The following CTNNA3 variants were observed in gnomAD, a reference collection of about 807,000 sequenced individuals.
CTNNA3 encodes the protein catenin alpha-3.
In CTNNA3, 76 loss-of-function variants were observed where a neutral mutation model predicts 95.7. That is an observed-to-expected ratio of 0.79 (90% CI 0.66 to 0.96). CTNNA3 has a LOEUF of 0.96. CTNNA3 is among the 40% of genes least tolerant of loss of function. The probability of loss-of-function intolerance (pLI) is 0.00; values close to 1 mark genes in which losing one functional copy is unlikely to be tolerated. For synonymous variants in CTNNA3, 431 were observed against 374.4 expected, an observed-to-expected ratio of 1.15 and a Z score of -1.74; for missense variants, 1,191 against 1,089.8, an observed-to-expected ratio of 1.09 and a Z score of -1.31.
intron 9 of CTNNA3, among the ~76,000 whole-genome samples, chr10:66,639,780 CT>C (rs1427909197): frequency 1.3e-5 from 2 of 151,924 alleles, no homozygotes; most frequent in Non-Finnish European, 2.9e-5. Context: ...ACTGTGTGTC[CT>C]TTTATGTTTA....
chr10:67,102,164 G>A (rs901954016), intron 7 of CTNNA3, among the ~76,000 whole-genome samples: 31 of 151,700 alleles, frequency 2.0e-4, no homozygotes, highest in Admixed American at 5.3e-4. Flanking sequence ...CTCCTCCCAT[G>A]ACCTTCCCAA....
At chr10:66,562,795 T>C (rs1292228515) in intron 10 of CTNNA3, among the ~76,000 whole-genome samples, 2 of 151,940 alleles carry the variant, frequency 1.3e-5, no homozygotes, top group Non-Finnish European at 2.9e-5. Flanking sequence ...TTTAAGTATA[T>C]AAATATTTTG....
At chr10:67,003,105 A>T (rs1195473651) in intron 7 of CTNNA3, among the ~76,000 whole-genome samples, 5 of 152,182 alleles carry the variant, frequency 3.3e-5, no homozygotes, top group Non-Finnish European at 7.4e-5. Flanking sequence ...ACATAATTAC[A>T]ATGCCCCTTT....
intron 7 of CTNNA3, among the ~76,000 whole-genome samples, chr10:67,041,181 C>T (rs189471609): frequency 2.0e-5 from 3 of 152,096 alleles, no homozygotes; most frequent in South Asian, 2.1e-4. Context: ...TCTGCCAGAG[C>T]AAATAGTACT....
rs141050375 is a variant in CTNNA3, at chr10:66,642,004, C to T, written c.1282-20220G>A. ...ATACAGAACTTATCTGAGCCTGTTG[C>T]CTTCTTCTGTGCAAAAGAACCATTA... On this transcript the variant is annotated intron_variant, in intron 9 of 17. Transcript: ENST00000433211. Among the ~76,000 whole-genome samples the T allele has an allele frequency of 4.3e-3, 654 of 152,086 alleles. 5 individuals are homozygous for T. Among genetic ancestry groups the T allele is most frequent in the Non-Finnish European group, 6.6e-3 (450 of 67,980 alleles).
At chr10:67,229,737 A>T (rs1865100389) in intron 5 of CTNNA3, among the ~76,000 whole-genome samples, 1 of 152,166 alleles carries the variant, frequency 6.6e-6, no homozygotes, top group African/African-American at 2.4e-5. Context: ...AAAATAAAAT[A>T]AAATAAAATA....
intron 7 of CTNNA3, among the ~76,000 whole-genome samples, chr10:67,088,655 CTCT>C (rs1213483823): frequency 6.6e-6 from 1 of 152,010 alleles, no homozygotes; most frequent in East Asian, 1.9e-4. Flanking sequence ...TCAAATAGAA[CTCT>C]TAAGTTTTTT....
intron 5 of CTNNA3, among the ~76,000 whole-genome samples, chr10:67,246,309 AC>A (rs2132345005): frequency 6.6e-6 from 1 of 152,328 alleles, no homozygotes; most frequent in African/African-American, 2.4e-5. Flanking sequence ...GCATTCTTGC[AC>A]TCTAGAGAGA....
At chr10:67,229,811 G>A (rs1410316305) in intron 5 of CTNNA3, among the ~76,000 whole-genome samples, 1 of 152,174 alleles carries the variant, frequency 6.6e-6, no homozygotes, top group Non-Finnish European at 1.5e-5. Flanking sequence ...AAACACTGCT[G>A]AAAGAAATCA....
chr10:65,931,022 A>G (rs999704294), intron 17 of CTNNA3, among the ~76,000 whole-genome samples: 1 of 152,142 alleles, frequency 6.6e-6, no homozygotes, highest in African/African-American at 2.4e-5. Flanking sequence ...TTTTTGAAAT[A>G]CAGCTGAAGT....
chr10:67,455,278 T>G (rs770880212), intron 5 of CTNNA3, among the ~76,000 whole-genome samples: 11 of 152,150 alleles, frequency 7.2e-5, no homozygotes, highest in Non-Finnish European at 1.6e-4. Flanking sequence ...TCTATCATAT[T>G]GTATTTGAGA....
chr10:67,693,998 C>A (rs142854485), intron 1 of CTNNA3, among the ~76,000 whole-genome samples: 1 of 152,166 alleles, frequency 6.6e-6, no homozygotes, highest in South Asian at 2.1e-4. Flanking sequence ...TCTCCAAATA[C>A]TTCTAATTTC....
At chr10:67,206,461 C>A (rs1051565192) in intron 6 of CTNNA3, among the ~76,000 whole-genome samples, 1 of 151,806 alleles carries the variant, frequency 6.6e-6, no homozygotes, top group African/African-American at 2.4e-5. Flanking sequence ...ATTACTGTAT[C>A]ATTTAAATAT....
intron 5 of CTNNA3, among the ~76,000 whole-genome samples, chr10:67,305,937 T>C (rs1840536667): frequency 6.6e-6 from 1 of 152,126 alleles, no homozygotes; most frequent in South Asian, 2.1e-4. Context: ...TTTGAGGAGA[T>C]ATTGGTCTAT....
At chr10:67,669,583 G>A (rs747841283) in intron 1 of CTNNA3, among the ~76,000 whole-genome samples, 3 of 152,092 alleles carry the variant, frequency 2.0e-5, no homozygotes, top group Non-Finnish European at 4.4e-5. Context: ...TTCCTGATGT[G>A]AAATGAGACC....
At chr10:66,937,582 C>A (rs1189151336) in intron 7 of CTNNA3, among the ~76,000 whole-genome samples, 1 of 152,114 alleles carries the variant, frequency 6.6e-6, no homozygotes, top group Non-Finnish European at 1.5e-5. Context: ...TCCATAAGCT[C>A]AAGGGCATCT....
intron 5 of CTNNA3, among the ~76,000 whole-genome samples, chr10:67,343,195 C>A (rs1227494471): frequency 2.6e-5 from 4 of 152,206 alleles, no homozygotes; most frequent in Non-Finnish European, 5.9e-5. Flanking sequence ...AAGTGATCTG[C>A]CCGCCTTGGC....
intron 5 of CTNNA3, among the ~76,000 whole-genome samples, chr10:67,464,510 A>T (rs1441531752): frequency 1.3e-5 from 2 of 152,190 alleles, no homozygotes; most frequent in African/African-American, 4.8e-5. Flanking sequence ...TTGGAAGAGC[A>T]GACAGCCTGT....
intron 7 of CTNNA3, chr10:66,926,365 C>T (rs940950434): frequency 5.1e-6 from 3 of 592,206 alleles, no homozygotes; most frequent in Non-Finnish European, 9.1e-6. Flanking sequence ...TGATGTTTTG[C>T]TGCGAATGCG....
Sources: gnomAD v4.1 joint callset for allele counts (sites outside exome capture counted in the v4.1 genomes callset) on GRCh38, gnomAD v4.1.1 for gene constraint, MANE v1.5 for transcripts, NCBI Gene and HGNC (gene_info 2026-07-23, HGNC 2026-07-21) for gene names.